HDX: variants seen among roughly 807,000 people sequenced by gnomAD.
The protein encoded by HDX is highly divergent homeobox.
Under a neutral mutation model 45.2 loss-of-function variants are expected in HDX, and 19 were observed. The observed-to-expected ratio is 0.42, with a 90% CI of 0.29 to 0.62. The LOEUF (loss-of-function observed/expected upper bound fraction) is 0.62. Among genes scored for constraint, HDX ranks in the 20% least tolerant of loss-of-function variants. The probability of loss-of-function intolerance (pLI) is 0.20; values close to 1 mark genes in which losing one functional copy is unlikely to be tolerated. For missense variants in HDX, 532 were observed against 493.9 expected (o/e 1.08, Z -0.73); for synonymous variants, 188 against 172.8 (o/e 1.09, Z -0.69).
At chrX:84,377,735 G>A (rs2038090892) in intron 5 of HDX, among the ~76,000 whole-genome samples, 1 of 110,449 alleles carries the variant, frequency 9.1e-6, no homozygotes, top group Admixed American at 9.7e-5. Flanking sequence ...AAGAAACAAT[G>A]AAGCACAAAT....
chrX:84,442,836 A>G (rs1320426211), intron 4 of HDX, among the ~76,000 whole-genome samples: 1 of 111,620 alleles, frequency 9.0e-6, no homozygotes, highest in Non-Finnish European at 1.9e-5. Context: ...AACCAAATGA[A>G]TTACAAACAA....
chrX:84,421,054 T>C (rs2039241931), intron 5 of HDX, among the ~76,000 whole-genome samples: 2 of 111,954 alleles, frequency 1.8e-5, no homozygotes, highest in African/African-American at 6.5e-5. Flanking sequence ...AAAAGGCATA[T>C]TGATGAAGAG....
At chrX:84,328,718 G>A (rs2036775647) in intron 9 of HDX, among the ~76,000 whole-genome samples, 1 of 111,645 alleles carries the variant, frequency 9.0e-6, no homozygotes, top group South Asian at 3.8e-4. Flanking sequence ...ACAGTACCAA[G>A]TGCTGACAAG....
chrX:84,420,445 T>A (rs2039226937), intron 5 of HDX, among the ~76,000 whole-genome samples: 2 of 104,504 alleles, frequency 1.9e-5, no homozygotes, highest in African/African-American at 3.5e-5. Flanking sequence ...ATCGGAGGAG[T>A]GAAAGGAAAA....
At chrX:84,466,248 T>C (rs1032755975) in intron 4 of HDX, among the ~76,000 whole-genome samples, 2 of 112,395 alleles carry the variant, frequency 1.8e-5, no homozygotes, top group Admixed American at 1.9e-4. Context: ...AGTTCATATG[T>C]ATAAGAAGTT....
chrX:84,408,470 A>C (rs1350454060), intron 5 of HDX, among the ~76,000 whole-genome samples: 1 of 99,838 alleles, frequency 1.0e-5, no homozygotes, highest in Non-Finnish European at 2.0e-5. Context: ...GTATATTTTG[A>C]AGTTGCATAA....
Position 84,397,763 on chromosome X carries a change from T to C in HDX, c.1306-36151A>G, listed in dbSNP as rs1268333757. 2.1e-4 allele frequency among the ~76,000 whole-genome samples: 24 copies of C among 112,051 alleles called. No individual in the cohort carries two copies. In the Admixed American group the frequency reaches 2.3e-3, roughly 11 times the overall value. ...TATGAGATGTCTCTATAAGCCATCTTGAAGTACCTCCAGTCTATTTTGCTA... is the reference window on the plus strand; with the variant it reads ...TATGAGATGTCTCTATAAGCCATCTCGAAGTACCTCCAGTCTATTTTGCTA... On this transcript the variant is annotated intron_variant, in intron 5 of 10. Coordinates refer to ENST00000373177, the MANE Select transcript of HDX (RefSeq NM_001177479.2).
chrX:84,436,119 T>C (rs1233169029), intron 5 of HDX, among the ~76,000 whole-genome samples: 1 of 90,468 alleles, frequency 1.1e-5, no homozygotes, highest in Non-Finnish European at 2.2e-5. Flanking sequence ...TGAGTTCATG[T>C]CCTTTGTAGG....
chrX:84,345,374 A>G (rs2037177038), intron 6 of HDX, among the ~76,000 whole-genome samples: 1 of 111,583 alleles, frequency 9.0e-6, no homozygotes, highest in Non-Finnish European at 1.9e-5. Context: ...AATATTATAT[A>G]AATGGAATCA....
At chrX:84,342,152 T>C (rs2037099846) in intron 7 of HDX, among the ~76,000 whole-genome samples, 1 of 111,654 alleles carries the variant, frequency 9.0e-6, no homozygotes, top group Admixed American at 9.5e-5. Context: ...TTCAGACTCA[T>C]ATCATCCAAA....
chrX:84,382,819 A>C (rs977754595), intron 5 of HDX, among the ~76,000 whole-genome samples: 1 of 111,078 alleles, frequency 9.0e-6, no homozygotes, highest in African/African-American at 3.3e-5. Context: ...ATAATATATT[A>C]ATTGTATTTT....
At chrX:84,463,032 G>A (rs778647296) in intron 4 of HDX, among the ~76,000 whole-genome samples, 9 of 110,857 alleles carry the variant, frequency 8.1e-5, no homozygotes, top group South Asian at 3.8e-4. Context: ...AGGGGATGCC[G>A]TGTGCTAATG....
chrX:84,371,434 T>C (rs1432562058), intron 5 of HDX, among the ~76,000 whole-genome samples: 1 of 111,570 alleles, frequency 9.0e-6, no homozygotes, highest in Non-Finnish European at 1.9e-5. Flanking sequence ...AAAATACAGG[T>C]GCTATGAGGG....
intron 6 of HDX, among the ~76,000 whole-genome samples, chrX:84,361,038 T>C (rs1464765006): frequency 8.9e-6 from 1 of 111,846 alleles, no homozygotes; most frequent in Admixed American, 9.5e-5. Flanking sequence ...CAGCAACGTA[T>C]CAGGGCTACA....
intron 6 of HDX, among the ~76,000 whole-genome samples, chrX:84,353,767 A>G (rs1303683900): frequency 9.0e-6 from 1 of 111,719 alleles, no homozygotes; most frequent in Non-Finnish European, 1.9e-5. Flanking sequence ...TGGGTATCAT[A>G]CAATCTGTTG....
rs773072066 is a variant in HDX, at chrX:84,337,955, T to G, written c.1661-1075A>C. On this transcript the variant is annotated intron_variant, in intron 7 of 10. Coordinates refer to ENST00000373177, the MANE Select transcript of HDX (RefSeq NM_001177479.2). ...GCCCCTTAAAAAAACAAGGTAGCAA[T>G]GTTCCTCTCTCTCTCTTTATCTCTT... Among the ~76,000 whole-genome samples, 135 of 111,318 alleles carry G rather than the reference T, an allele frequency of 1.2e-3. 1 individual carries two copies. The highest frequency in any genetic ancestry group is 4.2e-3 in the African/African-American group (130 of 30,696).
At position 84,336,827 on chromosome X, in the gene HDX, G is replaced by T. The variant is rs1314299412; in HGVS notation, c.1714C>A (p.His572Asn). 1.7e-6 allele frequency: 2 copies of T among 1,185,340 alleles called. No homozygotes were observed. Among genetic ancestry groups the T allele is most frequent in the East Asian group, 3.0e-5 (1 of 33,497 alleles). ...NDARAHKEEDHHAVTTDNVKI... is the reference protein window; with the variant it reads ...NDARAHKEEDNHAVTTDNVKI... ...ACATTATCTGTGGTTACTGCATGGT[G>T]GTCCTCTTCCTTATGAGCCCTTGCA... Residue 572 changes from histidine to asparagine, a missense_variant, in exon 8 of 11, where the codon CAC (histidine) becomes AAC (asparagine). His to Asn is a moderately conservative substitution (Grantham distance 68, BLOSUM62 1). Around this residue, in one of 3 missense-constraint regions of HDX, gnomAD observed 151 missense variants for 131.8 expected, o/e 1.15. Coordinates refer to ENST00000373177, the MANE Select transcript of HDX (RefSeq NM_001177479.2).
chrX:84,391,974 G>T (rs777701264), intron 5 of HDX, among the ~76,000 whole-genome samples: 3 of 111,229 alleles, frequency 2.7e-5, no homozygotes, highest in Non-Finnish European at 5.7e-5. Context: ...GTGTTTTGTT[G>T]TCTGTGCCTT....
chrX:84,437,022 T>C (rs1054937335), intron 5 of HDX, among the ~76,000 whole-genome samples: 3 of 111,014 alleles, frequency 2.7e-5, no homozygotes, highest in Admixed American at 9.7e-5. Flanking sequence ...TCCTCCAGTA[T>C]TGGATGCATA....
Sources: gnomAD v4.1 joint callset for allele counts (sites outside exome capture counted in the v4.1 genomes callset) on GRCh38, gnomAD v4.1.1 for gene constraint, gnomAD v4.1.1 regional missense constraint, MANE v1.5 for transcripts, NCBI Gene and HGNC (gene_info 2026-07-23, HGNC 2026-07-21) for gene names.